The following RBMS3 variants were observed in gnomAD, a reference collection of about 807,000 sequenced individuals.
RBMS3 encodes RNA binding motif single stranded interacting protein 3, also known as RNA-binding motif, single-stranded-interacting protein 3.
RBMS3 carries 27 observed loss-of-function variants against 66.8 expected under a neutral mutation model. The ratio of observed to expected loss-of-function variants is 0.40; its 90% CI spans 0.30 to 0.56. The LOEUF is 0.56. RBMS3 is among the 20% of genes least tolerant of loss of function. RBMS3 has a pLI of 0.40. For synonymous variants in RBMS3, 188 were observed against 183.0 expected (o/e 1.03, Z -0.22); for missense variants, 513 against 549.5 (o/e 0.93, Z 0.66).
intron 6 of RBMS3, among the ~76,000 whole-genome samples, chr3:29,820,721 T>C (rs2058057382): frequency 6.6e-6 from 1 of 152,178 alleles, no homozygotes; most frequent in African/African-American, 2.4e-5. Flanking sequence ...AAGTGTTACT[T>C]TGTAAACTAA....
chr3:29,988,440 C>T (rs139229806), intron 13 of RBMS3, among the ~76,000 whole-genome samples: 22 of 152,310 alleles, frequency 1.4e-4, no homozygotes, highest in African/African-American at 2.4e-4. Context: ...GGAGGCACGA[C>T]GGGAGTCTCT....
chr3:29,361,850 A>G (rs1481274669), intron 1 of RBMS3, among the ~76,000 whole-genome samples: 3 of 152,162 alleles, frequency 2.0e-5, no homozygotes, highest in African/African-American at 7.2e-5. Flanking sequence ...CGGCTACTGA[A>G]GCTTGTGCAT....
chr3:29,598,410 G>A (rs2048033072), intron 4 of RBMS3, among the ~76,000 whole-genome samples: 1 of 151,992 alleles, frequency 6.6e-6, no homozygotes, highest in African/African-American at 2.4e-5. Flanking sequence ...AAGGTTAATA[G>A]GCAACGGATT....
At chr3:29,530,130 C>G (rs2045293533) in intron 3 of RBMS3, among the ~76,000 whole-genome samples, 1 of 152,146 alleles carries the variant, frequency 6.6e-6, no homozygotes, top group Non-Finnish European at 1.5e-5. Context: ...TTTTTTACCC[C>G]AATACTCATC....
intron 1 of RBMS3, among the ~76,000 whole-genome samples, chr3:29,407,469 A>C (rs969733427): frequency 6.6e-6 from 1 of 152,228 alleles, no homozygotes; most frequent in Non-Finnish European, 1.5e-5. Context: ...TTTGGTTAAA[A>C]TATACATAGT....
At chr3:29,286,110 G>C (rs1278138458) in intron 1 of RBMS3, among the ~76,000 whole-genome samples, 3 of 152,074 alleles carry the variant, frequency 2.0e-5, no homozygotes, top group Non-Finnish European at 2.9e-5. Flanking sequence ...ATCTTCCAGC[G>C]ATAGAATTTT....
At chr3:29,724,278 C>T (rs1397357627) in intron 4 of RBMS3, among the ~76,000 whole-genome samples, 6 of 152,106 alleles carry the variant, frequency 3.9e-5, no homozygotes, top group African/African-American at 1.4e-4. Flanking sequence ...CTGTAATTAA[C>T]ATGACTTATA....
chr3:29,592,088 GA>G (rs563875362), intron 4 of RBMS3, among the ~76,000 whole-genome samples: 22,651 of 146,912 alleles, frequency 0.15, 1,939 homozygotes, highest in East Asian at 0.32. Flanking sequence ...AGTTGTCTTC[GA>G]AAAAAAAATA....
chr3:29,702,861 A>C (rs2052689937), intron 4 of RBMS3, among the ~76,000 whole-genome samples: 1 of 152,080 alleles, frequency 6.6e-6, no homozygotes, highest in Non-Finnish European at 1.5e-5. Context: ...GAACTGTAAC[A>C]CTCACCGCGA....
At chr3:29,558,433 T>C (rs111343220) in intron 3 of RBMS3, among the ~76,000 whole-genome samples, 220 of 152,276 alleles carry the variant, frequency 1.4e-3, no homozygotes, top group African/African-American at 5.0e-3. Flanking sequence ...TCCTGATATT[T>C]TTAAATTATA....
At chr3:29,330,389 A>C (rs2035582811) in intron 1 of RBMS3, among the ~76,000 whole-genome samples, 1 of 152,202 alleles carries the variant, frequency 6.6e-6, no homozygotes, top group Non-Finnish European at 1.5e-5. Flanking sequence ...ACACTTTGGA[A>C]GAAGTAATAG....
chr3:29,851,661 A>T (rs894053399), intron 6 of RBMS3, among the ~76,000 whole-genome samples: 10 of 152,182 alleles, frequency 6.6e-5, no homozygotes, highest in Admixed American at 6.5e-4. Flanking sequence ...TTCATATCAG[A>T]TCTTAAATTG....
At chr3:29,463,463 T>G (rs918507402) in intron 2 of RBMS3, among the ~76,000 whole-genome samples, 1 of 152,176 alleles carries the variant, frequency 6.6e-6, no homozygotes, top group African/African-American at 2.4e-5. Flanking sequence ...ACAAGGTATG[T>G]TCCTTCCCAG....
At chr3:29,713,698 C>G (rs2053268056) in intron 4 of RBMS3, among the ~76,000 whole-genome samples, 1 of 152,136 alleles carries the variant, frequency 6.6e-6, no homozygotes, top group South Asian at 2.1e-4. Flanking sequence ...TCTCTGCTTC[C>G]TCCAAGCATA....
At position 29,380,973 on chromosome 3, in the gene RBMS3, G is replaced by A. The variant is rs548158414; in HGVS notation, c.76-53770G>A. 3.9e-5 allele frequency among the ~76,000 whole-genome samples: 6 copies of A among 152,262 alleles called. No homozygotes were observed. In the South Asian group the frequency reaches 1.2e-3, roughly 32 times the overall value. The stretch of plus-strand genomic sequence containing the variant: ...TCAAAAGTAATGCTCTAAACTACAT[G>A]CTGTGCCACCGTAGATGAAATAAGG... On this transcript the variant is annotated intron_variant, in intron 1 of 14. Coordinates refer to ENST00000383767, the MANE Select transcript of RBMS3 (RefSeq NM_001003793.3).
At chr3:29,344,494 G>C (rs2036459920) in intron 1 of RBMS3, among the ~76,000 whole-genome samples, 2 of 152,130 alleles carry the variant, frequency 1.3e-5, no homozygotes, top group Non-Finnish European at 2.9e-5. Flanking sequence ...GGGAACTGCT[G>C]GTAGAGAGCA....
chr3:29,857,960 A>G (rs1050789463), intron 6 of RBMS3, among the ~76,000 whole-genome samples: 3 of 152,178 alleles, frequency 2.0e-5, no homozygotes, highest in Non-Finnish European at 4.4e-5. Flanking sequence ...GCAGCATTTC[A>G]TTTATGTGTG....
At chr3:29,905,692 T>A (rs942842095) in intron 10 of RBMS3, among the ~76,000 whole-genome samples, 1 of 152,218 alleles carries the variant, frequency 6.6e-6, no homozygotes, top group South Asian at 2.1e-4. Flanking sequence ...CTGGGCCACA[T>A]TGGAAGAAAA....
intron 6 of RBMS3, among the ~76,000 whole-genome samples, chr3:29,827,964 C>T (rs1409315966): frequency 5.9e-5 from 9 of 152,054 alleles, no homozygotes; most frequent in African/African-American, 2.2e-4. Flanking sequence ...CTCTGGTTCC[C>T]CCTTGTTTTT....
Sources: gnomAD v4.1 joint callset for allele counts (sites outside exome capture counted in the v4.1 genomes callset) on GRCh38, gnomAD v4.1.1 for gene constraint, MANE v1.5 for transcripts, NCBI Gene and HGNC (gene_info 2026-07-23, HGNC 2026-07-21) for gene names.